PKM: variants seen among roughly 807,000 people sequenced by gnomAD.
The protein encoded by PKM is pyruvate kinase M1/2.
Under a neutral mutation model 49.8 loss-of-function variants are expected in PKM, and 18 were observed. The observed-to-expected ratio is 0.36, with a 90% confidence interval of 0.25 to 0.54. The LOEUF is 0.54. PKM is among the 20% of genes least tolerant of loss of function. The probability of loss-of-function intolerance (pLI) is 0.89; values close to 1 mark genes in which losing one functional copy is unlikely to be tolerated. For missense variants in PKM, 508 were observed against 713.8 expected, an observed-to-expected ratio of 0.71 and a Z score of 3.28; for synonymous variants, 239 against 261.8, an observed-to-expected ratio of 0.91 and a Z score of 0.84.
intron 1 of PKM, among the ~76,000 whole-genome samples, chr15:72,228,921 C>T (rs2082763887): frequency 6.6e-6 from 1 of 152,192 alleles, no homozygotes; most frequent in Non-Finnish European, 1.5e-5. Context: ...ATTCTACTTA[C>T]AGCGGAACAC....
chr15:72,230,840 AGAG>A (rs2082843117), intron 1 of PKM: 2 of 907,784 alleles, frequency 2.2e-6, no homozygotes, highest in African/African-American at 3.4e-5. Flanking sequence ...GGCAGGAGGA[AGAG>A]GATGGGACCA....
intron 8 of PKM, chr15:72,203,320 G>C: frequency 1.2e-6 from 1 of 800,298 alleles, no homozygotes; most frequent in Non-Finnish European, 2.1e-6. Flanking sequence ...GGCTAAATCT[G>C]TCCTTCAGGC....
chr15:72,220,254 A>G (rs2082488221), intron 1 of PKM, among the ~76,000 whole-genome samples: 2 of 152,240 alleles, frequency 1.3e-5, no homozygotes, highest in Non-Finnish European at 2.9e-5. Context: ...TGCTTCGGCC[A>G]AGCAAGGCTC....
At chr15:72,211,835 A>G (rs912310871) in intron 3 of PKM, among the ~76,000 whole-genome samples, 32 of 151,578 alleles carry the variant, frequency 2.1e-4, no homozygotes, top group African/African-American at 7.5e-4. Flanking sequence ...AAAGACGCAG[A>G]GCCAAGATGT....
At chr15:72,231,026 C>G in intron 1 of PKM, 90 bp downstream of exon 1, 4 of 1,184,934 alleles carry the variant, frequency 3.4e-6, no homozygotes, top group Non-Finnish European at 4.5e-6. Context: ...TGCCTGCGTG[C>G]CCGGGGCCGG....
At chr15:72,228,594 C>T (rs907518233) in intron 1 of PKM, 2 of 1,265,394 alleles carry the variant, frequency 1.6e-6, no homozygotes, top group Non-Finnish European at 2.1e-6. Flanking sequence ...AGATAATTCT[C>T]TCAAAAGCAG....
chr15:72,215,681 G>A (rs999158598), intron 3 of PKM, among the ~76,000 whole-genome samples: 2 of 152,184 alleles, frequency 1.3e-5, no homozygotes, highest in Non-Finnish European at 2.9e-5. Context: ...TTAGAGCTAT[G>A]TGGTGTTATT....
chr15:72,225,824 T>A (rs2082652637), intron 1 of PKM, among the ~76,000 whole-genome samples: 1 of 152,236 alleles, frequency 6.6e-6, no homozygotes, highest in Non-Finnish European at 1.5e-5. Context: ...TTGTAGTACA[T>A]GTCTCCCTGT....
Position 72,202,048 on chromosome 15 carries a change from C to A in PKM, c.1307+406G>T. ...CAGGGACTAGTGTGCCAAATGGAGG[C>A]ACAGTAAACAGCATTTAAATAAATT... On this transcript the variant is annotated intron_variant, in intron 9 of 10. Coordinates refer to ENST00000335181, the MANE Select transcript of PKM (RefSeq NM_002654.6). The surrounding 1 kb of genome is among the most constrained non-coding windows in gnomAD (Gnocchi z 4.5). The A allele has an allele frequency of 3.6e-6, 1 of 274,970 alleles. No individual in the cohort carries two copies. Among genetic ancestry groups the A allele is most frequent in the Non-Finnish European group, 7.2e-6 (1 of 139,628 alleles). The allele number at this position is 274,970 out of a possible 1,614,324, so 17.0% of individuals were successfully genotyped here. A position where few individuals can be genotyped will look rare whatever the true frequency, so the allele number is the denominator to read the frequency against.
intron 3 of PKM, among the ~76,000 whole-genome samples, chr15:72,212,994 G>T (rs1252509518): frequency 2.6e-5 from 4 of 151,786 alleles, no homozygotes; most frequent in Non-Finnish European, 4.4e-5. Flanking sequence ...AGAATGGTGT[G>T]AACCCGGAAG....
In PKM at chr15:72,199,385, G is replaced by C; in HGVS notation, c.*265C>G. The C allele has an allele frequency of 1.5e-6, 1 of 659,744 alleles. No homozygotes were observed. The highest frequency in any genetic ancestry group is 2.8e-6 in the Non-Finnish European group (1 of 358,176). 40.9% of individuals were successfully genotyped at this position (659,744 alleles called of 1,614,324 possible). A position where few individuals can be genotyped will look rare whatever the true frequency, so the allele number is the denominator to read the frequency against. On this transcript the variant is annotated 3_prime_UTR_variant, in exon 11 of 11. Coordinates refer to ENST00000335181, the MANE Select transcript of PKM (RefSeq NM_002654.6). ...GAAGCTGTCACCCTCTTGCCATCTG[G>C]CTCCAGGGGCCTCCAGTCCAGCATT...
intron 5 of PKM, chr15:72,209,433 A>T (rs1331949478): frequency 3.6e-5 from 1 of 28,122 alleles, no homozygotes; most frequent in Non-Finnish European, 7.2e-5. Flanking sequence ...ATATATATAT[A>T]TATATATGTA....
intron 1 of PKM, among the ~76,000 whole-genome samples, chr15:72,227,641 G>A (rs1392787732): frequency 6.6e-6 from 1 of 150,682 alleles, no homozygotes; most frequent in Non-Finnish European, 1.5e-5. Flanking sequence ...GCTACTTCGG[G>A]AGGCTGAGGC....
rs11558354 is a variant in PKM, at chr15:72,208,859, C to T, written c.598G>A (p.Gly200Ser). ...ADFLVTEVEN[G>S]GSLGSKKGVN... ...CCCTTCTTGCTGCCCAAGGAGCCAC[C>T]ATTTTCCACCTCCGTCACCAGGAAG... Residue 200 changes from glycine (G) to serine (S), a missense_variant, in exon 6 of 11, where the codon GGT becomes AGT. By Grantham distance (56) the Gly-to-Ser change is moderately conservative. Coordinates refer to ENST00000335181, the MANE Select transcript of PKM (RefSeq NM_002654.6). 1.9e-6 allele frequency: 3 copies of T among 1,614,020 alleles called. No homozygotes were observed. Among genetic ancestry groups the T allele is most frequent in the Admixed American group, 1.7e-5 (1 of 60,002 alleles).
At chr15:72,225,992 C>A (rs1409414659) in intron 1 of PKM, among the ~76,000 whole-genome samples, 1 of 152,350 alleles carries the variant, frequency 6.6e-6, no homozygotes, top group East Asian at 1.9e-4. Context: ...CTTGGTACTG[C>A]CAGACTTTTT....
chr15:72,231,156 G>C lies in PKM; in HGVS notation c.-54C>G. On this transcript the variant is annotated 5_prime_UTR_variant, in exon 1 of 11. Transcript: ENST00000335181. Reference sequence around the variant, plus strand: ...ACTCGGGCTACGCTGCAAAGACGAAGAGATCCGGAGCCACGGCGCGTGCAG... The same window carrying C: ...ACTCGGGCTACGCTGCAAAGACGAACAGATCCGGAGCCACGGCGCGTGCAG... The C allele has an allele frequency of 1.0e-5, 3 of 296,736 alleles. No homozygotes were observed. Among genetic ancestry groups the C allele is most frequent in the South Asian group, 7.6e-5 (3 of 39,490 alleles). The allele number at this position is 296,736 out of a possible 1,614,324, so 18.4% of individuals were successfully genotyped here. A position where few individuals can be genotyped will look rare whatever the true frequency, so the allele number is the denominator to read the frequency against.
chr15:72,203,312 C>T (rs2081993212), intron 8 of PKM: 1 of 855,238 alleles, frequency 1.2e-6, no homozygotes, highest in Non-Finnish European at 1.9e-6. Context: ...GGTTAATTGG[C>T]TAAATCTGTC....
intron 1 of PKM, chr15:72,221,298 A>G: frequency 6.7e-7 from 1 of 1,486,576 alleles, no homozygotes; most frequent in Non-Finnish European, 9.1e-7. Context: ...CACAAGGATT[A>G]AGGAAAAAGC....
In PKM at chr15:72,202,877, C is replaced by G; in HGVS notation, c.1141-257G>C. 1 of 892,700 alleles carries G rather than the reference C, an allele frequency of 1.1e-6. No homozygotes were observed. Among genetic ancestry groups the G allele is most frequent in the Non-Finnish European group, 1.8e-6 (1 of 548,948 alleles). The allele number at this position is 892,700 out of a possible 1,614,324, so 55.3% of individuals were successfully genotyped here. On this transcript the variant is annotated intron_variant, in intron 8 of 10. Coordinates refer to ENST00000335181, the MANE Select transcript of PKM (RefSeq NM_002654.6). The surrounding 1 kb of genome is among the most constrained non-coding windows in gnomAD (Gnocchi z 4.5). ...AGCCACAGGACCCTTTGGTCCTGCC[C>G]TGCCATGACCTCCCTGGCGGTGTTC... is the stretch of plus-strand genomic sequence containing the variant.
Sources: gnomAD v4.1 joint callset for allele counts (sites outside exome capture counted in the v4.1 genomes callset) on GRCh38, gnomAD v4.1.1 for gene constraint, Gnocchi (gnomAD v3.1) non-coding constraint, MANE v1.5 for transcripts, NCBI Gene and HGNC (gene_info 2026-07-23, HGNC 2026-07-21) for gene names.